The following PRKN variants were observed in gnomAD, a reference collection of about 807,000 sequenced individuals.
PRKN encodes parkin RBR E3 ubiquitin protein ligase.
Under a neutral mutation model 59.5 loss-of-function variants are expected in PRKN, and 56 were observed. The observed-to-expected ratio is 0.94, with a 90% CI of 0.76 to 1.18. The LOEUF is 1.18. PRKN is among the 50% of genes most tolerant of loss of function. The pLI, the probability that PRKN is intolerant of heterozygous loss-of-function variation, is 0.00. For missense variants in PRKN, 657 were observed against 596.4 expected (o/e 1.10, Z -1.06); for synonymous variants, 250 against 222.1 (o/e 1.13, Z -1.12).
At chr6:162,192,359 T>C (rs907361609) in intron 4 of PRKN, among the ~76,000 whole-genome samples, 6 of 150,170 alleles carry the variant, frequency 4.0e-5, no homozygotes, top group South Asian at 4.3e-4. Flanking sequence ...AAAAGCACTA[T>C]ACAAATATCA....
intron 1 of PRKN, among the ~76,000 whole-genome samples, chr6:162,665,469 C>T (rs988702638): frequency 1.3e-5 from 2 of 151,918 alleles, no homozygotes; most frequent in African/African-American, 4.8e-5. Flanking sequence ...AGGAACACAG[C>T]CAACAAGGGA....
chr6:162,692,640 T>C (rs955115074), intron 1 of PRKN, among the ~76,000 whole-genome samples: 1 of 150,586 alleles, frequency 6.6e-6, no homozygotes, highest in Non-Finnish European at 1.5e-5. Flanking sequence ...CCATGTGTGC[T>C]ATCACACATC....
chr6:162,011,257 G>T (rs1256168876), intron 5 of PRKN, among the ~76,000 whole-genome samples: 6 of 84,106 alleles, frequency 7.1e-5, no homozygotes, highest in African/African-American at 9.5e-5. Context: ...ATATAATATA[G>T]TATATATTTA....
At chr6:162,135,271 A>C (rs957555319) in intron 4 of PRKN, among the ~76,000 whole-genome samples, 10 of 152,080 alleles carry the variant, frequency 6.6e-5, no homozygotes, top group Admixed American at 2.0e-4. Flanking sequence ...CAAAGTGCTG[A>C]GATTACAGGT....
rs1004484711 is a variant in PRKN at position 161,399,148 on chromosome 6, G to A, written c.1084-12271C>T. Among the ~76,000 whole-genome samples, 1 of 152,074 alleles carries A rather than the reference G, an allele frequency of 6.6e-6. No homozygotes were observed. Among genetic ancestry groups the A allele is most frequent in the African/African-American group, 2.4e-5 (1 of 41,394 alleles). ...TGGCTGCTGGACGGCCCAACTCCAG[G>A]GGAAGATCATCTTTCTACTCCATCC... On this transcript the variant is annotated intron_variant, in intron 9 of 11. Transcript: ENST00000366898. This position sits in a 1 kb window ranked among gnomAD's most constrained non-coding sequence, Gnocchi z 4.4.
intron 1 of PRKN, among the ~76,000 whole-genome samples, chr6:162,496,963 A>T (rs186576103): frequency 2.8e-3 from 434 of 152,302 alleles, no homozygotes; most frequent in African/African-American, 9.8e-3. Flanking sequence ...CATGTTTCGA[A>T]ACCTCCTTTA....
intron 4 of PRKN, among the ~76,000 whole-genome samples, chr6:162,168,685 G>C (rs904458676): frequency 6.6e-6 from 1 of 151,120 alleles, no homozygotes; most frequent in Non-Finnish European, 1.5e-5. Context: ...ACTAACCTCA[G>C]CATCTCCCGA....
intron 1 of PRKN, among the ~76,000 whole-genome samples, chr6:162,478,809 C>T (rs1209220442): frequency 6.6e-6 from 1 of 152,082 alleles, no homozygotes; most frequent in Non-Finnish European, 1.5e-5. Flanking sequence ...CAACAAGAAA[C>T]ATTTGTATAT....
At chr6:162,259,820 A>G (rs556940919) in intron 3 of PRKN, among the ~76,000 whole-genome samples, 1 of 152,352 alleles carries the variant, frequency 6.6e-6, no homozygotes, top group East Asian at 1.9e-4. Flanking sequence ...GGAAAACTAC[A>G]GTTAATTGGA....
intron 7 of PRKN, among the ~76,000 whole-genome samples, chr6:161,668,094 T>A (rs1784784116): frequency 6.6e-6 from 1 of 152,126 alleles, no homozygotes; most frequent in Admixed American, 6.5e-5. Context: ...GCTTAAGTGG[T>A]TCATACATTT....
intron 6 of PRKN, among the ~76,000 whole-genome samples, chr6:161,842,949 C>T (rs758243537): frequency 1.3e-5 from 2 of 152,144 alleles, no homozygotes; most frequent in Non-Finnish European, 2.9e-5. Flanking sequence ...GGTTCAGTAT[C>T]TTGTCAGCTA....
intron 7 of PRKN, among the ~76,000 whole-genome samples, chr6:161,668,992 T>C (rs1009295115): frequency 6.6e-6 from 1 of 152,204 alleles, no homozygotes; most frequent in Non-Finnish European, 1.5e-5. Flanking sequence ...ATTTCCATTA[T>C]GGGGATGTTA....
At position 161,602,586 on chromosome 6, in the gene PRKN, C is replaced by A. The variant is rs185297861; in HGVS notation, c.872-33170G>T. On this transcript the variant is annotated intron_variant, in intron 7 of 11. Coordinates refer to ENST00000366898, the MANE Select transcript of PRKN (RefSeq NM_004562.3). ...TGAGAGAGAAGTGTCAAGGTTAGAA[C>A]TGCTGAGAGATTTGCTCTCTGTAGA... is the stretch of plus-strand genomic sequence containing the variant. Among the ~76,000 whole-genome samples, 3 of 152,346 alleles carry A rather than the reference C, an allele frequency of 2.0e-5. No individual in the cohort carries two copies. The East Asian group carries it at 5.8e-4, about 29-fold the overall frequency.
At position 161,827,548 on chromosome 6, in the gene PRKN, C is replaced by T. The variant is rs1792298665; in HGVS notation, c.735-41640G>A. On this transcript the variant is annotated intron_variant, in intron 6 of 11. Coordinates refer to ENST00000366898, the MANE Select transcript of PRKN (RefSeq NM_004562.3). Reference sequence around the variant, plus strand: ...TTTTTGAGACAGAGTCTCAATCTGTCACCCAGGCTGGAGTGCAGTGGCGTG... The same window carrying T: ...TTTTTGAGACAGAGTCTCAATCTGTTACCCAGGCTGGAGTGCAGTGGCGTG... 3.2e-5 allele frequency among the ~76,000 whole-genome samples: 4 copies of T among 125,912 alleles called. 1 individual carries two copies. Among genetic ancestry groups the T allele is most frequent in the Non-Finnish European group, 6.3e-5 (4 of 63,370 alleles). The allele number at this position is 125,912 out of a possible 152,430, so 82.6% of individuals were successfully genotyped here. A position where few individuals can be genotyped will look rare whatever the true frequency, so the allele number is the denominator to read the frequency against.
chr6:161,494,195 G>C (rs1323639399), intron 9 of PRKN, among the ~76,000 whole-genome samples: 2 of 150,028 alleles, frequency 1.3e-5, no homozygotes, highest in Non-Finnish European at 3.0e-5. Context: ...TAAATAAATA[G>C]CAAATGCCCA....
intron 1 of PRKN, among the ~76,000 whole-genome samples, chr6:162,647,612 C>T (rs977000605): frequency 1.3e-5 from 2 of 152,038 alleles, no homozygotes; most frequent in African/African-American, 2.4e-5. Context: ...TTTACTCATA[C>T]TTATATGTCA....
At chr6:162,124,924 T>G (rs959851651) in intron 4 of PRKN, among the ~76,000 whole-genome samples, 7 of 152,082 alleles carry the variant, frequency 4.6e-5, no homozygotes, top group Non-Finnish European at 1.0e-4. Flanking sequence ...ATGAAATCCC[T>G]CAGTCAAGTG....
intron 5 of PRKN, among the ~76,000 whole-genome samples, chr6:161,990,429 G>T (rs1167053161): frequency 6.6e-6 from 1 of 152,196 alleles, no homozygotes. Flanking sequence ...AAAATTGGAA[G>T]AAGCAACTGC....
At chr6:162,518,435 G>A (rs149093157) in intron 1 of PRKN, among the ~76,000 whole-genome samples, 5 of 152,142 alleles carry the variant, frequency 3.3e-5, no homozygotes, top group Non-Finnish European at 5.9e-5. Context: ...GCGCAATCTC[G>A]GCTCACTGCA....
Sources: allele counts gnomAD v4.1 joint callset (sites outside exome capture counted in the v4.1 genomes callset), GRCh38; gene constraint gnomAD v4.1.1; non-coding constraint Gnocchi (gnomAD v3.1); transcripts MANE v1.5; gene names NCBI Gene and HGNC (gene_info 2026-07-23, HGNC 2026-07-21).